The following EXOC6B variants were observed in gnomAD, a reference collection of about 807,000 sequenced individuals.
The protein encoded by EXOC6B is exocyst complex component 6B, also known as SEC15 homolog B.
In EXOC6B, 54 loss-of-function variants were observed where a neutral mutation model predicts 113.5. The observed-to-expected ratio is 0.48, with a 90% confidence interval of 0.38 to 0.60. The LOEUF is 0.60. Ranked by LOEUF, EXOC6B falls within the 20% of genes least tolerant of loss-of-function variation. EXOC6B has a pLI of 0.00. For synonymous variants in EXOC6B, 357 were observed against 339.0 expected (o/e 1.05, Z -0.58); for missense variants, 797 against 977.5 (o/e 0.82, Z 2.46).
chr2:72,228,796 GGGTCCAAT>G (rs1681426032), intron 20 of EXOC6B, among the ~76,000 whole-genome samples: 1 of 152,172 alleles, frequency 6.6e-6, no homozygotes, highest in Non-Finnish European at 1.5e-5. Context: ...TGGGATGGCT[GGGTCCAAT>G]GGTATTTCTA....
At chr2:72,524,184 T>C (rs1043390805) in intron 8 of EXOC6B, among the ~76,000 whole-genome samples, 2 of 150,596 alleles carry the variant, frequency 1.3e-5, no homozygotes, top group African/African-American at 4.9e-5. Context: ...GAAAGGGCCA[T>C]TTTAATTTGC....
At chr2:72,194,358 TTAAC>T (rs1264943131) in intron 20 of EXOC6B, among the ~76,000 whole-genome samples, 1 of 151,950 alleles carries the variant, frequency 6.6e-6, no homozygotes, top group Non-Finnish European at 1.5e-5. Context: ...AGAGAGGAGA[TTAAC>T]TAACATGTGT....
chr2:72,307,215 G>A (rs1386663723), intron 20 of EXOC6B, among the ~76,000 whole-genome samples: 1 of 146,754 alleles, frequency 6.8e-6, no homozygotes, highest in Non-Finnish European at 1.5e-5. Flanking sequence ...GAGTGCAGTG[G>A]CGCAATCTCG....
At chr2:72,699,205 C>T (rs575044991) in intron 6 of EXOC6B, among the ~76,000 whole-genome samples, 196 of 152,226 alleles carry the variant, frequency 1.3e-3, no homozygotes, top group African/African-American at 4.6e-3. Flanking sequence ...CATGGCCGGG[C>T]GCGGTGGCTC....
intron 20 of EXOC6B, among the ~76,000 whole-genome samples, chr2:72,299,313 G>T (rs1029546563): frequency 6.6e-6 from 1 of 151,200 alleles, no homozygotes; most frequent in East Asian, 2.0e-4. Flanking sequence ...CAAAATTCTC[G>T]TGCTGTGTTT....
chr2:72,323,350 G>T (rs1687950155), intron 20 of EXOC6B, among the ~76,000 whole-genome samples: 1 of 152,172 alleles, frequency 6.6e-6, no homozygotes, highest in South Asian at 2.1e-4. Flanking sequence ...TGCTGGAGAG[G>T]ATGTGGAGAA....
In EXOC6B at chr2:72,569,645, C is replaced by G. The variant is rs1704403587; in HGVS notation, c.846+5847G>C. ...GGCCCATCGGTTGCCAATCTGCAAC[C>G]TCTGGTTTAAACTCTAAACTTCTAA... On this transcript the variant is annotated intron_variant, in intron 7 of 21. Transcript: ENST00000272427. Among the ~76,000 whole-genome samples, 5 of 152,232 alleles carry G rather than the reference C, an allele frequency of 3.3e-5. No homozygotes were observed. The South Asian group carries it at 1.0e-3, about 32-fold the overall frequency.
intron 6 of EXOC6B, among the ~76,000 whole-genome samples, chr2:72,593,144 T>C (rs1235430584): frequency 6.6e-6 from 1 of 152,182 alleles, no homozygotes; most frequent in Non-Finnish European, 1.5e-5. Context: ...GAAGAGGCCA[T>C]GGAATCTCCA....
chr2:72,500,895 AAC>A (rs1700284284), intron 11 of EXOC6B, among the ~76,000 whole-genome samples: 1 of 152,106 alleles, frequency 6.6e-6, no homozygotes, highest in Non-Finnish European at 1.5e-5. Context: ...TCATATTACT[AAC>A]AGTTTTTGTT....
At chr2:72,632,947 T>G (rs1198179423) in intron 6 of EXOC6B, among the ~76,000 whole-genome samples, 1 of 152,138 alleles carries the variant, frequency 6.6e-6, no homozygotes, top group African/African-American at 2.4e-5. Flanking sequence ...AATTGTTGGA[T>G]TTACAGGCAT....
At chr2:72,595,268 T>C (rs1368840583) in intron 6 of EXOC6B, among the ~76,000 whole-genome samples, 1 of 146,834 alleles carries the variant, frequency 6.8e-6, no homozygotes, top group South Asian at 2.1e-4. Context: ...CTCAAATATA[T>C]ATATATAGAT....
chr2:72,236,166 G>C (rs1025739317), intron 20 of EXOC6B, among the ~76,000 whole-genome samples: 3 of 152,146 alleles, frequency 2.0e-5, no homozygotes, highest in African/African-American at 7.2e-5. Flanking sequence ...AGAGCAGGCA[G>C]CCTCTTGGCA....
chr2:72,641,586 G>C (rs552444931), intron 6 of EXOC6B, among the ~76,000 whole-genome samples: 1 of 152,246 alleles, frequency 6.6e-6, no homozygotes, highest in Non-Finnish European at 1.5e-5. Context: ...AGAGCCCACT[G>C]CAGCTCTGCA....
chr2:72,335,053 TTAAC>T (rs765695924), intron 19 of EXOC6B, 33 bp from the exon 20 acceptor site: 2 of 1,592,784 alleles, frequency 1.3e-6, no homozygotes, highest in South Asian at 1.1e-5. Flanking sequence ...AAAAGCGCCT[TTAAC>T]TAACCATGGA....
chr2:72,640,275 T>C (rs565674763), intron 6 of EXOC6B, among the ~76,000 whole-genome samples: 42 of 152,192 alleles, frequency 2.8e-4, no homozygotes, highest in African/African-American at 9.9e-4. Context: ...ATCTCAGAGC[T>C]TGAAGATTGG....
At chr2:72,186,953 TG>T (rs1558995222) in intron 20 of EXOC6B, among the ~76,000 whole-genome samples, 2 of 152,160 alleles carry the variant, frequency 1.3e-5, no homozygotes, top group Non-Finnish European at 2.9e-5. Context: ...TCCACCCACT[TG>T]GCCTGGGAGG....
At chr2:72,618,650 G>A (rs1671550651) in intron 6 of EXOC6B, among the ~76,000 whole-genome samples, 1 of 152,070 alleles carries the variant, frequency 6.6e-6, no homozygotes, top group Non-Finnish European at 1.5e-5. Flanking sequence ...CATTCCTTAT[G>A]AGCCTGCAAT....
intron 8 of EXOC6B, among the ~76,000 whole-genome samples, chr2:72,551,730 T>C (rs1703241986): frequency 6.6e-6 from 1 of 151,490 alleles, no homozygotes. Flanking sequence ...TCTCCTGACC[T>C]AGTGATCCGC....
chr2:72,635,757 C>T (rs1672772642), intron 6 of EXOC6B, among the ~76,000 whole-genome samples: 1 of 152,138 alleles, frequency 6.6e-6, no homozygotes, highest in African/African-American at 2.4e-5. Context: ...AAATAGAAAA[C>T]TACAAACCAA....
Sources: gnomAD v4.1 joint callset for allele counts (sites outside exome capture counted in the v4.1 genomes callset) on GRCh38, gnomAD v4.1.1 for gene constraint, MANE v1.5 for transcripts, NCBI Gene and HGNC (gene_info 2026-07-23, HGNC 2026-07-21) for gene names.